HIPK3: variants seen among roughly 807,000 people sequenced by gnomAD.
HIPK3 encodes homeodomain-interacting protein kinase 3.
In HIPK3, 47 loss-of-function variants were observed where a neutral mutation model predicts 124.2. The observed-to-expected ratio is 0.38, with a 90% confidence interval of 0.30 to 0.48. The LOEUF is 0.48. Among genes scored for constraint, HIPK3 ranks in the 20% least tolerant of loss-of-function variants. HIPK3 has a pLI of 0.98. For missense variants in HIPK3, 1,286 were observed against 1,454.3 expected, an observed-to-expected ratio of 0.88 and a Z score of 1.88; for synonymous variants, 482 against 515.2, an observed-to-expected ratio of 0.94 and a Z score of 0.87.
At chr11:33,337,618 C>T (rs976150542) in intron 4 of HIPK3, among the ~76,000 whole-genome samples, 2 of 149,574 alleles carry the variant, frequency 1.3e-5, no homozygotes, top group East Asian at 2.0e-4. Flanking sequence ...CGCCTCCCAA[C>T]GTGCTAGGAT....
intron 2 of HIPK3, 61 bp from the exon 3 acceptor site, chr11:33,328,449 T>A: frequency 6.5e-7 from 1 of 1,544,410 alleles, no homozygotes; most frequent in Non-Finnish European, 8.9e-7. Flanking sequence ...AGAATGCCAG[T>A]TGAAATTAGG....
chr11:33,304,024 T>C (rs1467920378), intron 2 of HIPK3, among the ~76,000 whole-genome samples: 1 of 152,160 alleles, frequency 6.6e-6, no homozygotes, highest in African/African-American at 2.4e-5. Flanking sequence ...CACTGCAATC[T>C]CCGCCTCCCA....
Position 33,355,032 on chromosome 11 carries a change from T to C in HIPK3, c.*1464T>C, listed in dbSNP as rs1046049158. The C allele has an allele frequency of 3.3e-5, 5 of 152,066 alleles. No homozygotes were observed. 9.4% of individuals were successfully genotyped at this position (152,066 alleles called of 1,614,324 possible). A position where few individuals can be genotyped will look rare whatever the true frequency, so the allele number is the denominator to read the frequency against. Reference sequence around the variant, plus strand: ...AAAGGTATTAAATTGAGGCTGTGTTTTAGCTTACAGGCAAGTAATAAATTG... The same window carrying C: ...AAAGGTATTAAATTGAGGCTGTGTTCTAGCTTACAGGCAAGTAATAAATTG... On this transcript the variant is annotated 3_prime_UTR_variant, in exon 17 of 17. Coordinates refer to ENST00000303296, the MANE Select transcript of HIPK3 (RefSeq NM_005734.5).
chr11:33,286,675 C>T lies in HIPK3; in HGVS notation c.261C>T (p.Asn87=). The T allele has an allele frequency of 1.2e-6, 2 of 1,614,094 alleles. No individual in the cohort carries two copies. Among genetic ancestry groups the T allele is most frequent in the Non-Finnish European group, 1.7e-6 (2 of 1,180,036 alleles). Residue 87 remains asparagine (N), a synonymous_variant, in exon 2 of 17, where the codon AAC becomes AAT. Coordinates refer to ENST00000303296, the MANE Select transcript of HIPK3 (RefSeq NM_005734.5). Reference sequence around the variant, plus strand: ...AGACAAGTGCTGTTGTTTTGAAAAACACTGCAGGTGCTACAAAGGTCATAG... The same window carrying T: ...AGACAAGTGCTGTTGTTTTGAAAAATACTGCAGGTGCTACAAAGGTCATAG... ...SLQTSAVVLK[N]TAGATKVIAA...
chr11:33,265,426 A>G (rs1016379018), intron 1 of HIPK3, among the ~76,000 whole-genome samples: 3 of 152,216 alleles, frequency 2.0e-5, no homozygotes, highest in Admixed American at 6.5e-5. Flanking sequence ...GTGGCCACAA[A>G]AAAGATAGAA....
At position 33,348,582 on chromosome 11, in the gene HIPK3, T is replaced by C; in HGVS notation, c.2430T>C (p.Ile810=). 6.2e-7 allele frequency: 1 copy of C among 1,613,386 alleles called. No homozygotes were observed. Among genetic ancestry groups the C allele is most frequent in the Non-Finnish European group, 8.5e-7 (1 of 1,179,346 alleles). Residue 810 remains isoleucine, a synonymous_variant, in exon 13 of 17, where the codon ATT becomes ATC. Transcript: ENST00000303296. ...CAGCATTTATTTCTCCAAAGATAATTAATGGGAAAGATGTCGAGGAAGTAA... is the reference window on the plus strand; with the variant it reads ...CAGCATTTATTTCTCCAAAGATAATCAATGGGAAAGATGTCGAGGAAGTAA... ...PHSAFISPKI[I]NGKDVEEVSC...
At chr11:33,336,511 C>G (rs1853153139) in intron 3 of HIPK3, among the ~76,000 whole-genome samples, 2 of 152,190 alleles carry the variant, frequency 1.3e-5, no homozygotes, top group Admixed American at 1.3e-4. Flanking sequence ...TGGCCTTATC[C>G]CTTCACCCAT....
At position 33,351,857 on chromosome 11, in the gene HIPK3, T is replaced by C; in HGVS notation, c.3043+14T>C. 1 of 1,581,746 alleles carries C rather than the reference T, an allele frequency of 6.3e-7. No homozygotes were observed. The highest frequency in any genetic ancestry group is 8.7e-7 in the Non-Finnish European group (1 of 1,152,574). On this transcript the variant is annotated intron_variant, in intron 15 of 16. Coordinates refer to ENST00000303296, the MANE Select transcript of HIPK3 (RefSeq NM_005734.5). ...TGGCAAACACAGGTAAGTTGAGTCCTCCCATTTCTCTGGTTGTCCTTTAAA... is the reference window on the plus strand; with the variant it reads ...TGGCAAACACAGGTAAGTTGAGTCCCCCCATTTCTCTGGTTGTCCTTTAAA...
chr11:33,290,970 A>C (rs956865129), intron 2 of HIPK3, among the ~76,000 whole-genome samples: 1 of 152,326 alleles, frequency 6.6e-6, no homozygotes. Context: ...GTAAACAAAG[A>C]CTAGTGCAGG....
At chr11:33,293,203 A>G (rs1371250154) in intron 2 of HIPK3, among the ~76,000 whole-genome samples, 1 of 152,222 alleles carries the variant, frequency 6.6e-6, no homozygotes, top group Admixed American at 6.5e-5. Context: ...TTTTAAAAAC[A>G]GCTTTATTGA....
At chr11:33,290,863 T>C (rs1274473958) in intron 2 of HIPK3, among the ~76,000 whole-genome samples, 1 of 152,138 alleles carries the variant, frequency 6.6e-6, no homozygotes, top group African/African-American at 2.4e-5. Flanking sequence ...ATATATAAAT[T>C]TCAGGTAAAT....
At chr11:33,316,279 C>CT (rs1852500029) in intron 2 of HIPK3, among the ~76,000 whole-genome samples, 1 of 152,172 alleles carries the variant, frequency 6.6e-6, no homozygotes, top group African/African-American at 2.4e-5. Context: ...AATAAACTCA[C>CT]TAGTAGTATT....
chr11:33,295,738 C>A (rs1228240911), intron 2 of HIPK3, among the ~76,000 whole-genome samples: 1 of 152,228 alleles, frequency 6.6e-6, no homozygotes, highest in Admixed American at 6.5e-5. Flanking sequence ...TTGGCAGGAA[C>A]TTCACAGAAC....
At chr11:33,350,067 A>G (rs1853611757) in intron 14 of HIPK3, among the ~76,000 whole-genome samples, 1 of 152,218 alleles carries the variant, frequency 6.6e-6, no homozygotes, top group South Asian at 2.1e-4. Context: ...ATCCAGCCAA[A>G]TAATCTATTT....
chr11:33,269,081 C>T (rs549635741), intron 1 of HIPK3, among the ~76,000 whole-genome samples: 1 of 152,258 alleles, frequency 6.6e-6, no homozygotes, highest in South Asian at 2.1e-4. Context: ...GAGTCAAATA[C>T]AGACATATGA....
Position 33,257,561 on chromosome 11 carries a change from C to A in HIPK3, c.-331C>A. 1.0e-6 allele frequency: 1 copy of A among 985,724 alleles called. No individual in the cohort carries two copies. Among genetic ancestry groups the A allele is most frequent in the Non-Finnish European group, 1.2e-6 (1 of 830,128 alleles). 61.1% of individuals were successfully genotyped at this position (985,724 alleles called of 1,614,324 possible). A position where few individuals can be genotyped will look rare whatever the true frequency, so the allele number is the denominator to read the frequency against. The stretch of plus-strand genomic sequence containing the variant: ...TGCGTCGCCCGTAGGCCCCAGTAGC[C>A]GGAGGCCGACCGGCCTCCCACTACC... On this transcript the variant is annotated 5_prime_UTR_variant, in exon 1 of 17. Coordinates refer to ENST00000303296, the MANE Select transcript of HIPK3 (RefSeq NM_005734.5).
At chr11:33,308,411 C>T (rs912057234) in intron 2 of HIPK3, among the ~76,000 whole-genome samples, 3 of 152,106 alleles carry the variant, frequency 2.0e-5, no homozygotes, top group Non-Finnish European at 2.9e-5. Flanking sequence ...TTAATTTCAA[C>T]GTATATTTTC....
At chr11:33,306,729 G>A (rs1309261697) in intron 2 of HIPK3, among the ~76,000 whole-genome samples, 2 of 152,160 alleles carry the variant, frequency 1.3e-5, no homozygotes, top group African/African-American at 2.4e-5. Flanking sequence ...ATTTAATACA[G>A]TCTTAGGACA....
At chr11:33,335,607 G>A (rs1275598405) in intron 3 of HIPK3, 2 of 151,996 alleles carry the variant, frequency 1.3e-5, no homozygotes, top group East Asian at 3.9e-4. Context: ...CTATTTTAAG[G>A]GTAAGACGAG....
Sources: gnomAD v4.1 joint callset for allele counts (sites outside exome capture counted in the v4.1 genomes callset) on GRCh38, gnomAD v4.1.1 for gene constraint, MANE v1.5 for transcripts, NCBI Gene and HGNC (gene_info 2026-07-23, HGNC 2026-07-21) for gene names.